SLC4A2: variants seen among roughly 807,000 people sequenced by gnomAD.
The protein encoded by SLC4A2 is anion exchange protein 2.
A neutral mutation model predicts 115.0 loss-of-function variants in SLC4A2; 36 were observed. The ratio of observed to expected loss-of-function variants is 0.31; its 90% CI spans 0.24 to 0.41. The LOEUF (loss-of-function observed/expected upper bound fraction) is 0.41. SLC4A2 is among the 10% of genes least tolerant of loss of function. The pLI is 1.00. For synonymous variants in SLC4A2, 708 were observed against 708.3 expected (o/e 1.00, Z 0.01); for missense variants, 1,252 against 1,705.6 (o/e 0.73, Z 4.68).
At chr7:151,069,158 A>AAAAAAAAAAAAAAAAAAAAAAAAC (rs1324633255) in intron 8 of SLC4A2, among the ~76,000 whole-genome samples, 3 of 148,282 alleles carry the variant, frequency 2.0e-5, no homozygotes, top group Admixed American at 1.3e-4. Context: ...AAAAAAAAAA[A>AAAAAAAAAAAAAAAAAAAAAAAAC]AGCAGCTGAG....
Position 151,064,932 on chromosome 7 carries a change from G to A in SLC4A2, c.544G>A (p.Ala182Thr). 1 of 1,613,810 alleles carries A rather than the reference G, an allele frequency of 6.2e-7. No individual in the cohort carries two copies. The highest frequency in any genetic ancestry group is 8.5e-7 in the Non-Finnish European group (1 of 1,179,918). ...CCCTGCACCACTGCCCCACCAGGAG[G>A]CGACTCCTCGGGCCTCCAAAGGGGC... The part of the protein sequence containing the change: ...SSPAPLPHQE[A>T]TPRASKGAQA... The change falls in exon 5 of 23, where the codon GCG (alanine) becomes ACG (threonine). Residue 182 changes from alanine to threonine, a missense_variant. Coordinates refer to ENST00000413384, the MANE Select transcript of SLC4A2 (RefSeq NM_003040.4).
At chr7:151,068,429 C>T (rs1797311279) in intron 8 of SLC4A2, among the ~76,000 whole-genome samples, 2 of 152,182 alleles carry the variant, frequency 1.3e-5, no homozygotes, top group Non-Finnish European at 2.9e-5. Context: ...TGCTTGCTTG[C>T]TCCTTCCCAA....
At position 151,076,135 on chromosome 7, in the gene SLC4A2, G is replaced by A. The variant is rs567874460; in HGVS notation, c.3594G>A (p.Pro1198=). Residue 1198 remains proline, a synonymous_variant, in exon 22 of 23, where the codon CCG becomes CCA. Transcript: ENST00000413384. The stretch of plus-strand genomic sequence containing the variant: ...CCTTCATCCTCATCCTCACAGTGCC[G>A]CTCCGCATGGTGGTGCTCACCCGTA... ...AFPFILILTV[P]LRMVVLTRIF... is the part of the protein sequence containing the mutation. 180 of 1,610,298 alleles carry A rather than the reference G, an allele frequency of 1.1e-4. No homozygotes were observed. In the Middle Eastern group the frequency reaches 1.2e-3, roughly 10 times the overall value.
rs571570942 is a variant in SLC4A2, at chr7:151,066,514, T to C, written c.579-3T>C. The C allele has an allele frequency of 5.1e-5, 77 of 1,514,698 alleles. No individual in the cohort carries two copies. The African/African-American group carries it at 8.3e-4, about 16-fold the overall frequency. 93.8% of individuals were successfully genotyped at this position (1,514,698 alleles called of 1,614,324 possible). On this transcript the variant is annotated splice_region_variant and splice_polypyrimidine_tract_variant and intron_variant, in intron 5 of 22. Transcript: ENST00000413384. ...CGGGCTCACGGCCATTCTGTCTGCCTAGAACCCAGGTGGAGGAGGCGGAGG... is the reference window on the plus strand; with the variant it reads ...CGGGCTCACGGCCATTCTGTCTGCCCAGAACCCAGGTGGAGGAGGCGGAGG...
chr7:151,067,378 G>A (rs886797698), intron 7 of SLC4A2, among the ~76,000 whole-genome samples: 2 of 152,182 alleles, frequency 1.3e-5, no homozygotes, highest in African/African-American at 2.4e-5. Flanking sequence ...GAGCTGCCGC[G>A]CCGGGCCCAG....
In SLC4A2 at chr7:151,070,295, C is replaced by T. The variant is rs747249034; in HGVS notation, c.1398C>T (p.Thr466=). 2.4e-5 allele frequency: 39 copies of T among 1,613,088 alleles called. No homozygotes were observed. The highest frequency in any genetic ancestry group is 3.3e-4 in the Middle Eastern group (2 of 6,076). The change falls in exon 10 of 23, where the codon ACC becomes ACT. Residue 466 remains threonine, a synonymous_variant. Coordinates refer to ENST00000413384, the MANE Select transcript of SLC4A2 (RefSeq NM_003040.4). Reference sequence around the variant, plus strand: ...GGGCTGAGAGTGACCCCCACGTCACCGAGCCTCTCATGGGAGGTGTTCCTG... The same window carrying T: ...GGGCTGAGAGTGACCCCCACGTCACTGAGCCTCTCATGGGAGGTGTTCCTG... The part of the protein sequence containing the change: ...GQGAESDPHV[T]EPLMGGVPET...
rs766440612 is a variant in SLC4A2 at position 151,071,670 on chromosome 7, C to T, written c.2192-19C>T. The T allele has an allele frequency of 6.2e-7, 1 of 1,611,390 alleles. No homozygotes were observed. The highest frequency in any genetic ancestry group is 1.1e-5 in the South Asian group (1 of 90,890). ...CAGGGCCTGGCCACCAGCTCCTGAG[C>T]TGGTTCCTACACCCCTAGGAGAGAA... On this transcript the variant is annotated intron_variant, in intron 14 of 22. Transcript: ENST00000413384. The surrounding 1 kb of genome is among the most constrained non-coding windows in gnomAD (Gnocchi z 5.5).
intron 1 of SLC4A2, chr7:151,061,528 G>A (rs1797045343): frequency 5.9e-6 from 1 of 170,702 alleles, no homozygotes; most frequent in Middle Eastern, 3.0e-3. Flanking sequence ...TCTGGTGGGT[G>A]CCCTGACCCT....
rs141701173 is a variant in SLC4A2, at chr7:151,071,444, G to A, written c.2030G>A (p.Arg677Gln). Residue 677 changes from arginine to glutamine, a missense_variant, in exon 14 of 23, where the codon CGG becomes CAG. By Grantham distance (43) the Arg-to-Gln change is conservative. Coordinates refer to ENST00000413384, the MANE Select transcript of SLC4A2 (RefSeq NM_003040.4). This position sits in a 1 kb window ranked among gnomAD's most constrained non-coding sequence, Gnocchi z 5.5. Reference sequence around the variant, plus strand: ...GCAGCTGAAGATGATCCCCTTCGGCGGACGGGGCGGCCCTTTGGGGGGCTG... The same window carrying A: ...GCAGCTGAAGATGATCCCCTTCGGCAGACGGGGCGGCCCTTTGGGGGGCTG... ...AGAAEDDPLR[R>Q]TGRPFGGLIR... 40 of 1,606,996 alleles carry A rather than the reference G, an allele frequency of 2.5e-5. No homozygotes were observed. The highest frequency in any genetic ancestry group is 4.0e-5 in the African/African-American group (3 of 74,910).
At position 151,067,961 on chromosome 7, in the gene SLC4A2, G is replaced by A; in HGVS notation, c.1054G>A (p.Asp352Asn). ...AGCTCGCTGGATCAAATTTGAAGAG[G>A]ACGTGGAGGAGGAGACTGAGCGCTG... is the stretch of plus-strand genomic sequence containing the variant. ...ETARWIKFEE[D>N]VEEETERWGK... is the part of the protein sequence containing the mutation. Residue 352 changes from aspartate (D) to asparagine (N), a missense_variant, in exon 8 of 23, where the codon GAC becomes AAC. This residue lies in a region of SLC4A2 where 29 missense variants were observed against 80.9 expected (regional missense o/e 0.36). Coordinates refer to ENST00000413384, the MANE Select transcript of SLC4A2 (RefSeq NM_003040.4). The A allele has an allele frequency of 6.2e-7, 1 of 1,611,006 alleles. No homozygotes were observed. The highest frequency in any genetic ancestry group is 8.5e-7 in the Non-Finnish European group (1 of 1,179,126).
At chr7:151,061,810 A>G in intron 1 of SLC4A2, 115 bp from the exon 2 acceptor site, 1 of 603,894 alleles carries the variant, frequency 1.7e-6, no homozygotes, top group Non-Finnish European at 3.0e-6. Flanking sequence ...GCTGCCGCTA[A>G]GGGCCACTCT....
At position 151,071,260 on chromosome 7, in the gene SLC4A2, A is replaced by G; in HGVS notation, c.1938A>G (p.Thr646=). The change falls in exon 13 of 23, where the codon ACA becomes ACG. Residue 646 remains threonine (T), a synonymous_variant. Coordinates refer to ENST00000413384, the MANE Select transcript of SLC4A2 (RefSeq NM_003040.4). The surrounding 1 kb of genome is among the most constrained non-coding windows in gnomAD (Gnocchi z 5.5). The stretch of plus-strand genomic sequence containing the variant: ...AGGAGCAGGGCCGGCTGCTACCTAC[A>G]GGGGCTGGGCTGGAGCCCAAATCTG... ...KREEQGRLLP[T]GAGLEPKSAQ... is the part of the protein sequence containing the mutation. The G allele has an allele frequency of 6.4e-7, 1 of 1,564,920 alleles. No homozygotes were observed. Among genetic ancestry groups the G allele is most frequent in the Non-Finnish European group, 8.7e-7 (1 of 1,155,770 alleles).
intron 8 of SLC4A2, among the ~76,000 whole-genome samples, chr7:151,069,071 A>G (rs1307897459): frequency 1.4e-5 from 2 of 144,118 alleles, no homozygotes; most frequent in African/African-American, 5.3e-5. Context: ...CCTGGGAGGT[A>G]GAGCTTGCAG....
intron 5 of SLC4A2, among the ~76,000 whole-genome samples, chr7:151,065,902 C>T (rs1797212994): frequency 1.3e-5 from 2 of 152,098 alleles, no homozygotes; most frequent in Non-Finnish European, 2.9e-5. Context: ...GGTAGGACCA[C>T]GTGGCAGGGC....
intron 8 of SLC4A2, among the ~76,000 whole-genome samples, chr7:151,069,589 A>G (rs945640566): frequency 6.6e-6 from 1 of 152,148 alleles, no homozygotes; most frequent in African/African-American, 2.4e-5. Flanking sequence ...AGAGTTTTCT[A>G]ACAGCCAAGA....
At position 151,066,972 on chromosome 7, in the gene SLC4A2, G is replaced by A. The variant is rs188912567; in HGVS notation, c.945G>A (p.Arg315=). ...EPGPTPRARP[R]APHKPHEVFV... Reference sequence around the variant, plus strand: ...GCCCCACACCTCGGGCCCGACCCCGGGCCCCCCACAAGCCCCATGAGGTAC... The same window carrying A: ...GCCCCACACCTCGGGCCCGACCCCGAGCCCCCCACAAGCCCCATGAGGTAC... Residue 315 remains arginine, a synonymous_variant, in exon 7 of 23, where the codon CGG becomes CGA. Transcript: ENST00000413384. 6.2e-7 allele frequency: 1 copy of A among 1,605,504 alleles called. No individual in the cohort carries two copies.
At chr7:151,073,520 CGG>C (rs1161149132) in intron 16 of SLC4A2, among the ~76,000 whole-genome samples, 1 of 151,992 alleles carries the variant, frequency 6.6e-6, no homozygotes, top group Admixed American at 6.6e-5. Flanking sequence ...CTGCCCGCCT[CGG>C]CCTCCCAAAG....
Position 151,064,979 on chromosome 7 carries a change from C to T in SLC4A2, c.578+13C>T, listed in dbSNP as rs1797183856. On this transcript the variant is annotated intron_variant, in intron 5 of 22. Transcript: ENST00000413384. ...GGGCCCAGGCTGGGTAAGTACACCCCAATCAACAGTGTCCCCAACAGACAC... is the reference window on the plus strand; with the variant it reads ...GGGCCCAGGCTGGGTAAGTACACCCTAATCAACAGTGTCCCCAACAGACAC... 6.6e-7 allele frequency: 1 copy of T among 1,517,214 alleles called. No individual in the cohort carries two copies. Among genetic ancestry groups the T allele is most frequent in the East Asian group, 2.3e-5 (1 of 44,398 alleles). 94.0% of individuals were successfully genotyped at this position (1,517,214 alleles called of 1,614,324 possible). A position where few individuals can be genotyped will look rare whatever the true frequency, so the allele number is the denominator to read the frequency against.
rs1392770007 is a variant in SLC4A2, at chr7:151,066,573, G to C, written c.635G>C (p.Gly212Ala). 1.9e-6 allele frequency: 3 copies of C among 1,546,508 alleles called. No individual in the cohort carries two copies. The highest frequency in any genetic ancestry group is 2.0e-5 in the Admixed American group (1 of 50,766). ...EAVAVASGTA[G>A]GDDGGASGRP... is the part of the protein sequence containing the mutation. Reference sequence around the variant, plus strand: ...GTGGCGGTGGCCAGTGGCACTGCAGGGGGTGACGACGGGGGTGCCTCGGGG... The same window carrying C: ...GTGGCGGTGGCCAGTGGCACTGCAGCGGGTGACGACGGGGGTGCCTCGGGG... The change falls in exon 6 of 23, where the codon GGG (glycine) becomes GCG (alanine). Residue 212 changes from glycine to alanine, a missense_variant. By Grantham distance (60) the Gly-to-Ala change is moderately conservative (BLOSUM62 0). Transcript: ENST00000413384.
Sources: allele counts gnomAD v4.1 joint callset (sites outside exome capture counted in the v4.1 genomes callset), GRCh38; gene constraint gnomAD v4.1.1; regional missense constraint gnomAD v4.1.1; non-coding constraint Gnocchi (gnomAD v3.1); transcripts MANE v1.5; gene names NCBI Gene and HGNC (gene_info 2026-07-23, HGNC 2026-07-21).